Variants in KIAA1958 observed in about 807,000 individuals in gnomAD.
KIAA1958 encodes uncharacterized protein KIAA1958.
KIAA1958 carries 14 observed loss-of-function variants against 47.2 expected under a neutral mutation model. That is an observed-to-expected ratio of 0.30 (90% CI 0.20 to 0.46). The LOEUF is 0.46. KIAA1958 is among the 20% of genes least tolerant of loss of function. The pLI is 1.00. For synonymous variants in KIAA1958, 354 were observed against 353.3 expected (o/e 1.00, Z -0.02); for missense variants, 803 against 909.2 (o/e 0.88, Z 1.50).
chr9:112,574,877 C>T lies in KIAA1958; in HGVS notation c.797C>T (p.Pro266Leu), dbSNP rs776447889. Residue 266 changes from proline to leucine, a missense_variant, in exon 2 of 4, where the codon CCA becomes CTA. Pro to Leu is a moderately conservative substitution (Grantham distance 98, BLOSUM62 -3). Coordinates refer to ENST00000337530, the MANE Select transcript of KIAA1958 (RefSeq NM_133465.4). The part of the protein sequence containing the change: ...VTSAISTELD[P>L]HGMSASPSVI... ...TCTGCCATCAGCACGGAGCTAGACC[C>T]ACACGGTATGTCTGCATCCCCCTCT... 6.2e-7 allele frequency: 1 copy of T among 1,614,146 alleles called. No individual in the cohort carries two copies. Among genetic ancestry groups the T allele is most frequent in the Non-Finnish European group, 8.5e-7 (1 of 1,180,018 alleles).
chr9:112,550,725 C>G (rs955473390), intron 1 of KIAA1958, among the ~76,000 whole-genome samples: 5 of 152,178 alleles, frequency 3.3e-5, no homozygotes, highest in Non-Finnish European at 7.3e-5. Flanking sequence ...GTATTACCAA[C>G]CAGGGAAGCT....
intron 1 of KIAA1958, among the ~76,000 whole-genome samples, chr9:112,491,093 T>C (rs970268317): frequency 6.6e-6 from 1 of 152,188 alleles, no homozygotes; most frequent in Non-Finnish European, 1.5e-5. Context: ...ACCTCCCAAG[T>C]AGCTGGGACT....
At chr9:112,497,668 TAC>T (rs906122868) in intron 1 of KIAA1958, among the ~76,000 whole-genome samples, 7 of 152,182 alleles carry the variant, frequency 4.6e-5, no homozygotes, top group African/African-American at 1.7e-4. Flanking sequence ...CTAGGTTCAA[TAC>T]AGTTTTTTTT....
chr9:112,571,814 CAAAAAATAAAAATAAAAAT>C (rs1835541226), intron 1 of KIAA1958, among the ~76,000 whole-genome samples: 1 of 137,958 alleles, frequency 7.2e-6, no homozygotes, highest in South Asian at 2.3e-4. Flanking sequence ...TAAATAAAAA[CAAAAAATAAAAATAAAAAT>C]AAAAAATAAA....
intron 2 of KIAA1958, 31 bp downstream of exon 2, chr9:112,575,282 C>T (rs1391211183): frequency 7.0e-7 from 1 of 1,423,824 alleles, no homozygotes. Flanking sequence ...GTGAGTCCCT[C>T]ATCCACGCAC....
At chr9:112,538,404 T>G (rs1834890686) in intron 1 of KIAA1958, among the ~76,000 whole-genome samples, 1 of 151,974 alleles carries the variant, frequency 6.6e-6, no homozygotes, top group Non-Finnish European at 1.5e-5. Context: ...TAAATAAACC[T>G]CTGGAGAATA....
chr9:112,506,984 C>A (rs368352892), intron 1 of KIAA1958, among the ~76,000 whole-genome samples: 14 of 152,056 alleles, frequency 9.2e-5, no homozygotes, highest in African/African-American at 3.4e-4. Flanking sequence ...ACTTGAAGGT[C>A]ACTTGGAATA....
chr9:112,528,770 C>T (rs897190963), intron 1 of KIAA1958, among the ~76,000 whole-genome samples: 6 of 152,168 alleles, frequency 3.9e-5, no homozygotes, highest in Admixed American at 2.6e-4. Context: ...CCGCCCACCT[C>T]AGCCTCCTAA....
At chr9:112,550,415 C>CA (rs1470764381) in intron 1 of KIAA1958, among the ~76,000 whole-genome samples, 1 of 152,060 alleles carries the variant, frequency 6.6e-6, no homozygotes, top group Non-Finnish European at 1.5e-5. Context: ...AAAGTGAACC[C>CA]ACTTGAAGTA....
chr9:112,542,931 G>A (rs1379794577), intron 1 of KIAA1958, among the ~76,000 whole-genome samples: 1 of 152,216 alleles, frequency 6.6e-6, no homozygotes, highest in Non-Finnish European at 1.5e-5. Flanking sequence ...GGGCTGAAGA[G>A]TTTAGTGTAG....
intron 2 of KIAA1958, among the ~76,000 whole-genome samples, chr9:112,626,823 CAA>C (rs35640010): frequency 7.5e-6 from 1 of 133,916 alleles, no homozygotes. Flanking sequence ...GCATTTGTTA[CAA>C]AAAAAAAAAA....
intron 1 of KIAA1958, among the ~76,000 whole-genome samples, chr9:112,523,444 T>TTAAA (rs34030752): frequency 0.82 from 122,935 of 150,156 alleles, 50,722 homozygotes; most frequent in African/African-American, 0.88. Context: ...AAGTGTCTTA[T>TTAAA]TAAATAAATA....
rs536157325 is a variant in KIAA1958, at chr9:112,664,840, G to C, written c.*4771G>C. On this transcript the variant is annotated 3_prime_UTR_variant, in exon 4 of 4. Coordinates refer to ENST00000337530, the MANE Select transcript of KIAA1958 (RefSeq NM_133465.4). ...AATGAACATCTCTGGAAGTTCCTCC[G>C]TCTGATATGTGTATTCTGACATAAC... The C allele has an allele frequency of 6.6e-6, 1 of 152,146 alleles. No homozygotes were observed. The highest frequency in any genetic ancestry group is 2.4e-5 in the African/African-American group (1 of 41,406). 9.4% of individuals were successfully genotyped at this position (152,146 alleles called of 1,614,324 possible). A position where few individuals can be genotyped will look rare whatever the true frequency, so the allele number is the denominator to read the frequency against.
chr9:112,545,175 T>C (rs932372134), intron 1 of KIAA1958, among the ~76,000 whole-genome samples: 4 of 152,206 alleles, frequency 2.6e-5, no homozygotes, highest in African/African-American at 9.6e-5. Flanking sequence ...TTGACCTCCA[T>C]TAATGATCCC....
chr9:112,513,152 A>C (rs1226225412), intron 1 of KIAA1958, among the ~76,000 whole-genome samples: 1 of 145,656 alleles, frequency 6.9e-6, no homozygotes, highest in African/African-American at 2.5e-5. Context: ...TTACAGGCAC[A>C]CGCCACCATG....
At chr9:112,571,931 A>G (rs1645456136) in intron 1 of KIAA1958, among the ~76,000 whole-genome samples, 1 of 150,824 alleles carries the variant, frequency 6.6e-6, no homozygotes. Context: ...CTTTAACCAA[A>G]GTTACATGAA....
chr9:112,531,295 G>A (rs1033671777), intron 1 of KIAA1958, among the ~76,000 whole-genome samples: 5 of 152,168 alleles, frequency 3.3e-5, no homozygotes, highest in Non-Finnish European at 1.5e-5. Context: ...GGCTGAGGCA[G>A]GAGAATCACT....
intron 1 of KIAA1958, among the ~76,000 whole-genome samples, chr9:112,561,932 A>G (rs10513160): frequency 0.3 from 45,770 of 152,102 alleles, 7,182 homozygotes; most frequent in Middle Eastern, 0.41. Context: ...TAGATCATAT[A>G]GTTGGTCTAA....
chr9:112,561,482 T>G, intron 1 of KIAA1958, among the ~76,000 whole-genome samples: 1 of 152,220 alleles, frequency 6.6e-6, no homozygotes, highest in Admixed American at 6.5e-5. Context: ...AATGGCAGTA[T>G]CCCCAGTGCC....
Sources: allele counts gnomAD v4.1 joint callset (sites outside exome capture counted in the v4.1 genomes callset), GRCh38; gene constraint gnomAD v4.1.1; transcripts MANE v1.5; gene names NCBI Gene and HGNC (gene_info 2026-07-23, HGNC 2026-07-21).